Variants in C9 observed in about 807,000 individuals in gnomAD.
C9 encodes the protein complement component C9.
C9 carries 63 observed loss-of-function variants against 65.4 expected under a neutral mutation model. The observed-to-expected ratio is 0.96, with a 90% CI of 0.79 to 1.19. C9 has a LOEUF of 1.19. Ranked by LOEUF, C9 falls within the 50% of genes most tolerant of loss-of-function variation. The pLI is 0.00. For synonymous variants in C9, 229 were observed against 227.9 expected, an observed-to-expected ratio of 1.00 and a Z score of -0.04; for missense variants, 744 against 670.1, an observed-to-expected ratio of 1.11 and a Z score of -1.22.
chr5:39,287,669 T>C (rs1246739287), intron 10 of C9, among the ~76,000 whole-genome samples: 1 of 152,052 alleles, frequency 6.6e-6, no homozygotes, highest in Non-Finnish European at 1.5e-5. Flanking sequence ...TCATGTCTTT[T>C]GGAGCAACAT....
intron 1 of C9, among the ~76,000 whole-genome samples, chr5:39,359,173 C>T (rs1287711814): frequency 1.4e-5 from 2 of 146,258 alleles, no homozygotes; most frequent in East Asian, 2.0e-4. Context: ...GAATGACACA[C>T]GTAGAGGTCT....
chr5:39,330,557 C>A (rs1753821280), intron 5 of C9, among the ~76,000 whole-genome samples: 1 of 152,114 alleles, frequency 6.6e-6, no homozygotes, highest in Admixed American at 6.5e-5. Flanking sequence ...CCAAGGTGAC[C>A]ATGTTTGGTA....
intron 9 of C9, among the ~76,000 whole-genome samples, chr5:39,291,913 A>AG (rs1299659819): frequency 1.1e-4 from 17 of 151,890 alleles, no homozygotes; most frequent in Admixed American, 3.9e-4. Flanking sequence ...AAAGAATTGA[A>AG]GGGAGGGAAC....
chr5:39,350,889 C>A (rs560333724), intron 1 of C9, among the ~76,000 whole-genome samples: 1 of 152,132 alleles, frequency 6.6e-6, no homozygotes, highest in Non-Finnish European at 1.5e-5. Flanking sequence ...TAGGCAGTGC[C>A]CCAGTAGGGA....
chr5:39,321,402 A>C (rs1190972798), intron 5 of C9, among the ~76,000 whole-genome samples: 1 of 152,092 alleles, frequency 6.6e-6, no homozygotes, highest in Non-Finnish European at 1.5e-5. Flanking sequence ...GAAAACCACA[A>C]AGCAAACACC....
Position 39,340,152 on chromosome 5 carries a change from G to A in C9, c.476+994C>T, listed in dbSNP as rs183636971. ...ACAATATTTTAGAAAGTAGTTAAAG[G>A]ATATTCATTAATTAATAATTAGCCA... On this transcript the variant is annotated intron_variant, in intron 4 of 10. Transcript: ENST00000263408. 2.5e-3 allele frequency among the ~76,000 whole-genome samples: 380 copies of A among 152,218 alleles called. 1 individual carries two copies. Among genetic ancestry groups the A allele is most frequent in the Non-Finnish European group, 4.6e-3 (310 of 68,024 alleles).
rs554908563 is a variant in C9 at position 39,284,282 on chromosome 5, T to C, written c.*917A>G. The C allele has an allele frequency of 6.6e-6, 1 of 152,294 alleles. No individual in the cohort carries two copies. Among genetic ancestry groups the C allele is most frequent in the South Asian group, 2.1e-4 (1 of 4,824 alleles). 9.4% of individuals were successfully genotyped at this position (152,294 alleles called of 1,614,324 possible). ...TCCTCTTTTCTTTCTTTCTTTCCTT[T>C]TTTTAAAGAGTTCTCAGACCTTTCA... On this transcript the variant is annotated 3_prime_UTR_variant, in exon 11 of 11. Transcript: ENST00000263408.
In C9 at chr5:39,334,577, G is replaced by GC. The variant is rs1244791900; in HGVS notation, c.477-2764dup. ...GTCCGGGAGGGAGGTGGGGGGGTCA[G>GC]CCCCCCGCCCGGCCAGCTGCCCCGT... On this transcript the variant is annotated intron_variant, in intron 4 of 10. Transcript: ENST00000263408. Among the ~76,000 whole-genome samples, 11 of 146,070 alleles carry GC rather than the reference G, an allele frequency of 7.5e-5. 1 individual carries two copies. The highest frequency in any genetic ancestry group is 2.7e-4 in the African/African-American group (10 of 37,028).
chr5:39,293,397 C>T (rs1753130597), intron 9 of C9, among the ~76,000 whole-genome samples: 1 of 151,798 alleles, frequency 6.6e-6, no homozygotes, highest in East Asian at 1.9e-4. Context: ...AAACCAAAAG[C>T]AAGCAAGAGT....
rs1006294910 is a variant in C9 at position 39,313,169 on chromosome 5, C to T, written c.871-1792G>A. Among the ~76,000 whole-genome samples, 129 of 152,140 alleles carry T rather than the reference C, an allele frequency of 8.5e-4. 11 individuals carry two copies. Among genetic ancestry groups the T allele is most frequent in the Non-Finnish European group, 7.3e-5 (5 of 68,028 alleles). On this transcript the variant is annotated intron_variant, in intron 6 of 10. Coordinates refer to ENST00000263408, the MANE Select transcript of C9 (RefSeq NM_001737.5). ...AGCAACAAAAAGTTTCCCTTGGCCT[C>T]GCTTGCCTGACCAGCCACTACCCAT...
chr5:39,289,240 T>C (rs1247792490), intron 9 of C9, among the ~76,000 whole-genome samples: 1 of 151,646 alleles, frequency 6.6e-6, no homozygotes, highest in Non-Finnish European at 1.5e-5. Context: ...CAGGTATATG[T>C]GCTTTAAAAA....
intron 5 of C9, among the ~76,000 whole-genome samples, chr5:39,316,478 G>T (rs1468391020): frequency 6.6e-6 from 1 of 152,140 alleles, no homozygotes; most frequent in Non-Finnish European, 1.5e-5. Flanking sequence ...ACATCCATTA[G>T]CTATTCCTCC....
chr5:39,306,502 G>A lies in C9; in HGVS notation c.1416+115C>T, dbSNP rs188398984. The stretch of plus-strand genomic sequence containing the variant: ...GCCTCCTTTTGGGGAAGAAATGGGA[G>A]TGTATCTGAATGTTCACGTCTCTTT... On this transcript the variant is annotated intron_variant, in intron 9 of 10. Coordinates refer to ENST00000263408, the MANE Select transcript of C9 (RefSeq NM_001737.5). 691 of 839,986 alleles carry A rather than the reference G, an allele frequency of 8.2e-4. 1 individual carries two copies. The highest frequency in any genetic ancestry group is 3.2e-4 in the Non-Finnish European group (160 of 504,236). 52.0% of individuals were successfully genotyped at this position (839,986 alleles called of 1,614,324 possible).
intron 9 of C9, among the ~76,000 whole-genome samples, chr5:39,293,557 T>C (rs1753132900): frequency 6.6e-6 from 1 of 151,994 alleles, no homozygotes; most frequent in Non-Finnish European, 1.5e-5. Context: ...AGCACCCAGA[T>C]ACATAAAGCA....
At chr5:39,319,429 A>G (rs1579855671) in intron 5 of C9, among the ~76,000 whole-genome samples, 1 of 152,020 alleles carries the variant, frequency 6.6e-6, no homozygotes, top group Non-Finnish European at 1.5e-5. Context: ...CTCAGGCTTT[A>G]GACAGGCCCA....
chr5:39,305,839 CT>C (rs1753363955), intron 9 of C9, among the ~76,000 whole-genome samples: 2 of 151,988 alleles, frequency 1.3e-5, no homozygotes, highest in Admixed American at 1.3e-4. Context: ...GTCTTATTTT[CT>C]TGTAGACTTT....
intron 1 of C9, 152 bp downstream of exon 1, chr5:39,364,236 G>A (rs1754574766): frequency 1.6e-6 from 1 of 637,490 alleles, no homozygotes; most frequent in Non-Finnish European, 2.9e-6. Flanking sequence ...TGCACCCTAT[G>A]TATTTTCTTA....
intron 2 of C9, 85 bp from the exon 3 acceptor site, chr5:39,341,785 C>T (rs1164025964): frequency 3.3e-6 from 4 of 1,203,320 alleles, no homozygotes; most frequent in Non-Finnish European, 4.9e-6. Context: ...AACTATATCC[C>T]TGCAATGAGT....
At chr5:39,304,662 C>G (rs1290641800) in intron 9 of C9, among the ~76,000 whole-genome samples, 3 of 152,134 alleles carry the variant, frequency 2.0e-5, no homozygotes, top group African/African-American at 7.2e-5. Context: ...CCATAGTGAA[C>G]TAACTATAGC....
Sources: allele counts gnomAD v4.1 joint callset (sites outside exome capture counted in the v4.1 genomes callset), GRCh38; gene constraint gnomAD v4.1.1; transcripts MANE v1.5; gene names NCBI Gene and HGNC (gene_info 2026-07-23, HGNC 2026-07-21).